Variants in ZNF608 observed in about 807,000 individuals in gnomAD.
The protein encoded by ZNF608 is zinc finger protein 608, also known as renal carcinoma antigen NY-REN-36.
ZNF608 carries 12 observed loss-of-function variants against 109.0 expected under a neutral mutation model. That is an observed-to-expected ratio of 0.11 (90% CI 0.07 to 0.18). The LOEUF (loss-of-function observed/expected upper bound fraction) is 0.18. Ranked by LOEUF, ZNF608 falls within the 10% of genes least tolerant of loss-of-function variation. ZNF608 has a pLI of 1.00. For synonymous variants in ZNF608, 732 were observed against 717.4 expected (o/e 1.02, Z -0.33); for missense variants, 1,707 against 1,879.3 (o/e 0.91, Z 1.70).
In ZNF608 at chr5:124,645,892, TAA is replaced by T. The variant is rs1483448215; in HGVS notation, c.3705+785_3705+786del. On this transcript the variant is annotated intron_variant, in intron 5 of 9. Transcript: ENST00000513986. ...AAGAAATTTGGGCCCCAAATTCTAT[TAA>T]AAAGATTAATGGGAAATGTGAATTC... Among the ~76,000 whole-genome samples the T allele has an allele frequency of 2.0e-4, 31 of 152,218 alleles. No individual in the cohort carries two copies. In the South Asian group the frequency reaches 4.8e-3, roughly 23 times the overall value.
In ZNF608 at chr5:124,644,274, C is replaced by A. The variant is rs1184791815; in HGVS notation, c.4093G>T (p.Val1365Phe). 1 of 1,611,592 alleles carries A rather than the reference C, an allele frequency of 6.2e-7. No homozygotes were observed. The highest frequency in any genetic ancestry group is 1.7e-5 in the Admixed American group (1 of 59,978). ...YDPSHPAYRAVSPVLMHSYPG... is the reference protein window; with the variant it reads ...YDPSHPAYRAFSPVLMHSYPG... Reference sequence around the variant, plus strand: ...TAACTGTGCATTAGGACGGGAGAAACAGCCCGGTATGCAGGATGGCTGGGG... The same window carrying A: ...TAACTGTGCATTAGGACGGGAGAAAAAGCCCGGTATGCAGGATGGCTGGGG... Residue 1365 changes from valine (V) to phenylalanine (F), a missense_variant, in exon 6 of 10, where the codon GTT becomes TTT. Coordinates refer to ENST00000513986, the MANE Select transcript of ZNF608 (RefSeq NM_020747.3).
intron 3 of ZNF608, among the ~76,000 whole-genome samples, chr5:124,698,451 T>C (rs1752931205): frequency 6.6e-6 from 1 of 152,202 alleles, no homozygotes; most frequent in South Asian, 2.1e-4. Context: ...GTCACCACAG[T>C]AAACATCCAC....
chr5:124,703,930 C>G (rs1753158590), intron 2 of ZNF608, among the ~76,000 whole-genome samples: 5 of 152,188 alleles, frequency 3.3e-5, no homozygotes, highest in Admixed American at 3.3e-4. Flanking sequence ...CTCTCTCTCT[C>G]TCATATTTAT....
At position 124,728,161 on chromosome 5, in the gene ZNF608, C is replaced by T. The variant is rs1429952910; in HGVS notation, c.906+15923G>A. On this transcript the variant is annotated intron_variant, in intron 2 of 9. Transcript: ENST00000513986. The stretch of plus-strand genomic sequence containing the variant: ...CACCAGGAAAGCTCTTATGCCTCTC[C>T]TCCTATTAGACCAGTCCCTACCTTT... Among the ~76,000 whole-genome samples, 12 of 152,168 alleles carry T rather than the reference C, an allele frequency of 7.9e-5. 1 individual carries two copies. The highest frequency in any genetic ancestry group is 7.9e-4 in the Admixed American group (12 of 15,280).
intron 2 of ZNF608, among the ~76,000 whole-genome samples, chr5:124,740,172 A>C (rs1026370257): frequency 6.6e-6 from 1 of 152,184 alleles, no homozygotes; most frequent in Non-Finnish European, 1.5e-5. Context: ...AAGCAAACGG[A>C]TTTCACACAC....
intron 2 of ZNF608, among the ~76,000 whole-genome samples, chr5:124,718,216 A>C (rs903982454): frequency 6.6e-6 from 1 of 152,152 alleles, no homozygotes; most frequent in Admixed American, 6.5e-5. Context: ...ACATCTTCCC[A>C]CTGAAAGCAG....
rs1258877885 is a variant in ZNF608, at chr5:124,681,552, A to T, written c.1162+19462T>A. The stretch of plus-strand genomic sequence containing the variant: ...GCCAGGAGTTCAAGACTACCTTTAA[A>T]CTCCTAGGAAGATCCCATCTCTACA... On this transcript the variant is annotated intron_variant, in intron 3 of 9. Coordinates refer to ENST00000513986, the MANE Select transcript of ZNF608 (RefSeq NM_020747.3). 3.9e-5 allele frequency among the ~76,000 whole-genome samples: 6 copies of T among 152,130 alleles called. No homozygotes were observed. In the East Asian group the frequency reaches 1.2e-3, roughly 29 times the overall value.
intron 2 of ZNF608, among the ~76,000 whole-genome samples, chr5:124,717,438 T>G (rs1753749095): frequency 6.6e-6 from 1 of 152,318 alleles, no homozygotes; most frequent in African/African-American, 2.4e-5. Context: ...GCCACTGCAC[T>G]CCAGCCTGGG....
intron 5 of ZNF608, among the ~76,000 whole-genome samples, chr5:124,646,417 G>C (rs1036981313): frequency 2.0e-5 from 3 of 152,138 alleles, no homozygotes; most frequent in African/African-American, 7.2e-5. Flanking sequence ...CACAGAGCAA[G>C]TTAGTGGCAT....
intron 7 of ZNF608, 127 bp from the exon 8 acceptor site, chr5:124,641,532 C>G (rs1304191619): frequency 9.4e-7 from 1 of 1,065,160 alleles, no homozygotes; most frequent in African/African-American, 1.6e-5. Context: ...AGATACAATT[C>G]TTTAGTAACT....
In ZNF608 at chr5:124,648,903, G is replaced by A; in HGVS notation, c.1481C>T (p.Pro494Leu). 2.5e-6 allele frequency: 4 copies of A among 1,614,098 alleles called. No individual in the cohort carries two copies. The highest frequency in any genetic ancestry group is 3.4e-6 in the Non-Finnish European group (4 of 1,179,974). ...GTTTTTCCTTTTGTTGGTGGAGGAA[G>A]GGCTGGCTTTGATATCCTCAGCAGC... ...NCAAEDIKAS[P>L]SSTNKRKNKP... Residue 494 changes from proline to leucine, a missense_variant, in exon 5 of 10, where the codon CCT becomes CTT. By Grantham distance (98) the Pro-to-Leu change is moderately conservative. Coordinates refer to ENST00000513986, the MANE Select transcript of ZNF608 (RefSeq NM_020747.3).
rs371400621 is a variant in ZNF608 at position 124,639,098 on chromosome 5, A to G, written c.4532+35T>C. On this transcript the variant is annotated intron_variant, in intron 9 of 9. Coordinates refer to ENST00000513986, the MANE Select transcript of ZNF608 (RefSeq NM_020747.3). ...TCCTCCCAACCATTAAGATATTTCT[A>G]TCTACAACTAATTAAAAATGTAGAG... 12 of 1,591,274 alleles carry G rather than the reference A, an allele frequency of 7.5e-6. No homozygotes were observed. In the African/African-American group the frequency reaches 1.3e-4, roughly 18 times the overall value.
chr5:124,708,581 CCT>C (rs1753354433), intron 2 of ZNF608: 1 of 385,834 alleles, frequency 2.6e-6, no homozygotes, highest in East Asian at 7.3e-5. Context: ...CCTTCAGAAA[CCT>C]CACTTTAAAA....
In ZNF608 at chr5:124,648,370, T is replaced by C. The variant is rs1750630841; in HGVS notation, c.2014A>G (p.Asn672Asp). Residue 672 changes from asparagine (N) to aspartate (D), a missense_variant, in exon 5 of 10, where the codon AAC becomes GAC. Asn to Asp is a conservative substitution (Grantham distance 23). This residue lies in a region of ZNF608 where 1,073 missense variants were observed against 1,133.5 expected (regional missense o/e 0.95). Coordinates refer to ENST00000513986, the MANE Select transcript of ZNF608 (RefSeq NM_020747.3). ...KKKGLNNELN[N>D]LPVISNMTAA... ...GTCATGTTGGAGATTACTGGAAGGTTGTTCAGTTCATTGTTAAGGCCCTTC... is the reference window on the plus strand; with the variant it reads ...GTCATGTTGGAGATTACTGGAAGGTCGTTCAGTTCATTGTTAAGGCCCTTC... 2.5e-6 allele frequency: 4 copies of C among 1,614,084 alleles called. No individual in the cohort carries two copies. Among genetic ancestry groups the C allele is most frequent in the Non-Finnish European group, 3.4e-6 (4 of 1,180,038 alleles).
chr5:124,739,710 A>G (rs1038974670), intron 2 of ZNF608, among the ~76,000 whole-genome samples: 2 of 152,226 alleles, frequency 1.3e-5, no homozygotes, highest in Admixed American at 6.5e-5. Context: ...TCAAGTTTCT[A>G]TGAAGTACCA....
Position 124,647,630 on chromosome 5 carries a change from A to T in ZNF608, c.2754T>A (p.Pro918=), listed in dbSNP as rs375912528. ...TLVNGQAPMA[P]LHVLTQNGAE... Reference sequence around the variant, plus strand: ...CCCCATTCTGGGTCAACACATGCAGAGGTGCCATTGGTGCCTGCCCGTTCA... The same window carrying T: ...CCCCATTCTGGGTCAACACATGCAGTGGTGCCATTGGTGCCTGCCCGTTCA... Residue 918 remains proline (P), a synonymous_variant, in exon 5 of 10, where the codon CCT becomes CCA. Transcript: ENST00000513986. 139 of 1,614,088 alleles carry T rather than the reference A, an allele frequency of 8.6e-5. No homozygotes were observed. Among genetic ancestry groups the T allele is most frequent in the Admixed American group, 2.5e-4 (15 of 60,006 alleles).
Position 124,647,173 on chromosome 5 carries a change from G to A in ZNF608, c.3211C>T (p.His1071Tyr), listed in dbSNP as rs1750551837. The A allele has an allele frequency of 6.2e-7, 1 of 1,614,192 alleles. No individual in the cohort carries two copies. Among genetic ancestry groups the A allele is most frequent in the African/African-American group, 1.3e-5 (1 of 75,034 alleles). ...TAAAGTGACTGAGCCAGGGCAGGATGTCTTTGTGTGATCACCGACTGGTGC... is the reference window on the plus strand; with the variant it reads ...TAAAGTGACTGAGCCAGGGCAGGATATCTTTGTGTGATCACCGACTGGTGC... ...PQHQSVITQR[H>Y]PALAQSLYYG... The change falls in exon 5 of 10, where the codon CAT (histidine) becomes TAT (tyrosine). Residue 1071 changes from histidine to tyrosine, a missense_variant. Around this residue, in one of 7 missense-constraint regions of ZNF608, gnomAD observed 1,073 missense variants for 1,133.5 expected, o/e 0.95. Transcript: ENST00000513986.
intron 2 of ZNF608, among the ~76,000 whole-genome samples, chr5:124,736,704 G>A (rs1224856660): frequency 6.6e-6 from 1 of 152,168 alleles, no homozygotes; most frequent in African/African-American, 2.4e-5. Context: ...ACCAAAAGCG[G>A]CCAGAGGGCC....
intron 2 of ZNF608, among the ~76,000 whole-genome samples, chr5:124,724,496 C>CAAAAAAAAAA (rs5871102): frequency 1.0e-5 from 1 of 100,084 alleles, no homozygotes. Flanking sequence ...GCAAAGAGTG[C>CAAAAAAAAAA]AAAAAAAAAA....
Sources: allele counts gnomAD v4.1 joint callset (sites outside exome capture counted in the v4.1 genomes callset), GRCh38; gene constraint gnomAD v4.1.1; regional missense constraint gnomAD v4.1.1; transcripts MANE v1.5; gene names NCBI Gene and HGNC (gene_info 2026-07-23, HGNC 2026-07-21).